Variants in NCF2 observed in about 807,000 individuals in gnomAD.
NCF2 encodes neutrophil cytosolic factor 2.
NCF2 carries 45 observed loss-of-function variants against 70.9 expected under a neutral mutation model. The observed-to-expected ratio is 0.63, with a 90% CI of 0.50 to 0.81. The LOEUF (loss-of-function observed/expected upper bound fraction) is 0.81, where lower values mean the gene tolerates loss of function less well. Ranked by LOEUF, NCF2 falls within the 40% of genes least tolerant of loss-of-function variation. The probability of loss-of-function intolerance (pLI) is 0.00; values close to 1 mark genes in which losing one functional copy is unlikely to be tolerated. For missense variants in NCF2, 522 were observed against 631.6 expected (o/e 0.83, Z 1.86); for synonymous variants, 203 against 233.6 (o/e 0.87, Z 1.19).
At chr1:183,592,759 C>T (rs974172499), upstream of NCF2, among the ~76,000 whole-genome samples, 1 of 152,122 alleles carries the variant, frequency 6.6e-6, no homozygotes, top group Non-Finnish European at 1.5e-5. Flanking sequence ...CCTATTATCC[C>T]ACCCTGACAC....
upstream of NCF2, among the ~76,000 whole-genome samples, chr1:183,595,473 T>C (rs1246651455): frequency 4.6e-5 from 7 of 152,326 alleles, no homozygotes; most frequent in East Asian, 1.4e-3. Flanking sequence ...GTCACAGTTT[T>C]CATGGGTCAG....
the NCF2 span, among the ~76,000 whole-genome samples, chr1:183,599,423 C>CTTCTTTCCTTCTTTCT: frequency 2.5e-4 from 27 of 107,500 alleles, no homozygotes; most frequent in Non-Finnish European, 4.4e-4. Flanking sequence ...TCTTTCTTTC[C>CTTCTTTCCTTCTTTCT]TTCTTTCTTT....
chr1:183,572,839 C>T (rs1170111293), intron 5 of NCF2, among the ~76,000 whole-genome samples: 1 of 152,130 alleles, frequency 6.6e-6, no homozygotes, highest in Non-Finnish European at 1.5e-5. Flanking sequence ...ACTGGGATTA[C>T]AGGCATGAGC....
At chr1:183,574,424 T>A (rs1672703687) in intron 4 of NCF2, 63 bp downstream of exon 4, 1 of 1,609,332 alleles carries the variant, frequency 6.2e-7, no homozygotes, top group Non-Finnish European at 8.5e-7. Context: ...CAATGGCATG[T>A]CCTCTGAGAC....
At chr1:183,599,485 T>C in the NCF2 span, among the ~76,000 whole-genome samples, 1 of 56,482 alleles carries the variant, frequency 1.8e-5, no homozygotes, top group Admixed American at 2.0e-4. Flanking sequence ...TTTCTTTCTC[T>C]TTTCTTTCTT....
chr1:183,598,655 GA>G, the NCF2 span, among the ~76,000 whole-genome samples: 1 of 152,162 alleles, frequency 6.6e-6, no homozygotes, highest in African/African-American at 2.4e-5. Flanking sequence ...GGGAGAGGGA[GA>G]GTCATGGCTT....
rs771034067 is a variant in NCF2 at position 183,573,173 on chromosome 1, A to C, written c.609+12T>G. The stretch of plus-strand genomic sequence containing the variant: ...ACAGGAGACTCAGGGGAAGCTGAGC[A>C]ATCCCACCTACCGTCGCCTTGCCTA... On this transcript the variant is annotated intron_variant, in intron 5 of 14. Transcript: ENST00000367535. 1.2e-6 allele frequency: 2 copies of C among 1,612,074 alleles called. No individual in the cohort carries two copies. Among genetic ancestry groups the C allele is most frequent in the Non-Finnish European group, 1.7e-6 (2 of 1,178,332 alleles).
chr1:183,566,584 A>G (rs572097759), intron 9 of NCF2, among the ~76,000 whole-genome samples: 1 of 152,310 alleles, frequency 6.6e-6, no homozygotes, highest in East Asian at 1.9e-4. Flanking sequence ...CAACACATTG[A>G]CTACTCTTCC....
At chr1:183,575,758 C>A (rs1309607399) in intron 3 of NCF2, among the ~76,000 whole-genome samples, 1 of 152,172 alleles carries the variant, frequency 6.6e-6, no homozygotes, top group African/African-American at 2.4e-5. Flanking sequence ...GAGAGAAGTT[C>A]ATGTAGCGAA....
At chr1:183,562,752 G>A (rs1016684761) in intron 13 of NCF2, among the ~76,000 whole-genome samples, 3 of 150,192 alleles carry the variant, frequency 2.0e-5, no homozygotes, top group African/African-American at 7.4e-5. Context: ...AGAATTTCTT[G>A]AACCTGGGCG....
In NCF2 at chr1:183,556,073, G is replaced by GTAA; in HGVS notation, c.*42_*44dup. On this transcript the variant is annotated 3_prime_UTR_variant, in exon 15 of 15. Transcript: ENST00000367535. ...GAAGGGTGCTAAATCTTACAAACAA[G>GTAA]TAATAGGGCTTCATTTTCTTCAGCT... The GTAA allele has an allele frequency of 6.7e-7, 1 of 1,503,276 alleles. No individual in the cohort carries two copies. Among genetic ancestry groups the GTAA allele is most frequent in the East Asian group, 2.3e-5 (1 of 44,370 alleles). 93.1% of individuals were successfully genotyped at this position (1,503,276 alleles called of 1,614,324 possible).
chr1:183,570,116 C>T (rs560797217), intron 6 of NCF2, among the ~76,000 whole-genome samples: 57 of 152,308 alleles, frequency 3.7e-4, no homozygotes, highest in African/African-American at 5.1e-4. Context: ...CTCAGAAAAC[C>T]GCCCTCTGCT....
intron 2 of NCF2, among the ~76,000 whole-genome samples, chr1:183,578,224 CTTCTT>C (rs1217484215): frequency 6.6e-6 from 1 of 152,104 alleles, no homozygotes; most frequent in Non-Finnish European, 1.5e-5. Context: ...TCGCCCATGG[CTTCTT>C]TTGAGTTCAA....
At chr1:183,579,135 T>G (rs1672937565) in intron 2 of NCF2, among the ~76,000 whole-genome samples, 2 of 152,156 alleles carry the variant, frequency 1.3e-5, no homozygotes. Context: ...CAAGAGGCAG[T>G]GTGATGTAGT....
chr1:183,558,191 T>C (rs1354947111), intron 14 of NCF2, among the ~76,000 whole-genome samples: 1 of 151,990 alleles, frequency 6.6e-6, no homozygotes, highest in African/African-American at 2.4e-5. Flanking sequence ...CTCATATTTT[T>C]AATTAATTGC....
In NCF2 at chr1:183,577,613, G is replaced by T. The variant is rs1490800202; in HGVS notation, c.352C>A (p.Leu118Met). The T allele has an allele frequency of 1.9e-6, 3 of 1,612,902 alleles. 1 individual carries two copies. Among genetic ancestry groups the T allele is most frequent in the South Asian group, 1.1e-5 (1 of 91,058 alleles). Reference protein sequence around the residue: ...DYKILGLQFKLFACEVLYNIA... With the variant: ...DYKILGLQFKMFACEVLYNIA... ...GTTCTCCTTACCTCACAGGCAAACAGCTTGAACTGGAGCCCCAGGATCTTA... is the reference window on the plus strand; with the variant it reads ...GTTCTCCTTACCTCACAGGCAAACATCTTGAACTGGAGCCCCAGGATCTTA... The change falls in exon 3 of 15, where the codon CTG (leucine) becomes ATG (methionine). Residue 118 changes from leucine (L) to methionine (M), a missense_variant. Leu to Met is a conservative substitution (Grantham distance 15). Transcript: ENST00000367535.
rs1437261669 is a variant in NCF2, at chr1:183,567,346, C to A, written c.714-1G>T. 1 of 1,614,036 alleles carries A rather than the reference C, an allele frequency of 6.2e-7. No individual in the cohort carries two copies. The highest frequency in any genetic ancestry group is 1.7e-5 in the Admixed American group (1 of 60,024). On this transcript the variant is annotated splice_acceptor_variant, in intron 7 of 14. Coordinates refer to ENST00000367535, the MANE Select transcript of NCF2 (RefSeq NM_000433.4). LOFTEE classifies it high-confidence loss of function. ...ACGGTGAGCCTCCCCTTCCAGAGCC[C>A]TGCAGAGGATAGACACAAGATCCAG...
At chr1:183,597,510 C>T in the NCF2 span, among the ~76,000 whole-genome samples, 8 of 152,084 alleles carry the variant, frequency 5.3e-5, no homozygotes, top group African/African-American at 1.9e-4. Flanking sequence ...AGGTTTGTCA[C>T]GTGGTATATT....
In NCF2 at chr1:183,556,485, A is replaced by T. The variant is rs789180; in HGVS notation, c.1469-255T>A. 0.17 allele frequency among the ~76,000 whole-genome samples: 26,562 copies of T among 152,166 alleles called. 2,882 individuals are homozygous for T. Among genetic ancestry groups the T allele is most frequent in the African/African-American group, 0.32 (13,105 of 41,466 alleles). On this transcript the variant is annotated intron_variant, in intron 14 of 14. Coordinates refer to ENST00000367535, the MANE Select transcript of NCF2 (RefSeq NM_000433.4). ...TTTTCAAAAAGTTACCAGATAGAGA[A>T]GAAGGGTCAAAGAAATTGAACAACG...
Sources: gnomAD v4.1 joint callset for allele counts (sites outside exome capture counted in the v4.1 genomes callset) on GRCh38, gnomAD v4.1.1 for gene constraint, MANE v1.5 for transcripts, NCBI Gene and HGNC (gene_info 2026-07-23, HGNC 2026-07-21) for gene names.